Variants in ADAM17 observed in about 807,000 individuals in gnomAD.
ADAM17 encodes ADAM metallopeptidase domain 17.
A neutral mutation model predicts 96.7 loss-of-function variants in ADAM17; 39 were observed. The observed-to-expected ratio is 0.40, with a 90% confidence interval of 0.31 to 0.53. ADAM17 has a LOEUF of 0.53. Ranked by LOEUF, ADAM17 falls within the 20% of genes least tolerant of loss-of-function variation. ADAM17 has a pLI of 0.44. For missense variants in ADAM17, 777 were observed against 1,013.2 expected, an observed-to-expected ratio of 0.77 and a Z score of 3.17; for synonymous variants, 344 against 359.2, an observed-to-expected ratio of 0.96 and a Z score of 0.48.
chr2:9,555,587 A>C lies in ADAM17; in HGVS notation c.19T>G (p.Phe7Val), dbSNP rs765575403. The change falls in exon 1 of 19, where the codon TTC (phenylalanine) becomes GTC (valine). Residue 7 changes from phenylalanine to valine, a missense_variant. By Grantham distance (50) the Phe-to-Val change is conservative (BLOSUM62 -1). Coordinates refer to ENST00000310823, the MANE Select transcript of ADAM17 (RefSeq NM_003183.6). ...ACGAAAGGAACCACGCTGGTCAGGA[A>C]TAGGAGAGACTGCCTCATGTTCCCG... MRQSLL[F>V]LTSVVPFVLA... 6.3e-7 allele frequency: 1 copy of C among 1,592,606 alleles called. No homozygotes were observed. The highest frequency in any genetic ancestry group is 1.1e-5 in the South Asian group (1 of 87,886).
intron 7 of ADAM17, 72 bp downstream of exon 7, chr2:9,523,177 G>T: frequency 1.7e-6 from 2 of 1,193,178 alleles, no homozygotes; most frequent in Non-Finnish European, 2.4e-6. Flanking sequence ...AAGTTTTTAG[G>T]TTTTGAATAC....
intron 1 of ADAM17, among the ~76,000 whole-genome samples, chr2:9,546,688 T>C (rs1366162260): frequency 1.3e-5 from 2 of 151,612 alleles, no homozygotes; most frequent in Non-Finnish European, 2.9e-5. Flanking sequence ...CCGCACTGTC[T>C]ATCTCAGCTC....
chr2:9,497,325 T>G (rs1055342772), intron 13 of ADAM17, 77 bp from the exon 14 acceptor site: 1 of 1,570,558 alleles, frequency 6.4e-7, no homozygotes, highest in Non-Finnish European at 8.6e-7. Flanking sequence ...ATACGCTGTT[T>G]CTCATACAAG....
chr2:9,518,300 T>C, intron 8 of ADAM17, 53 bp from the exon 9 acceptor site: 1 of 1,449,742 alleles, frequency 6.9e-7, no homozygotes. Flanking sequence ...AGATTAACAA[T>C]TACATCAGAC....
chr2:9,552,712 A>G (rs1010650089), intron 1 of ADAM17, among the ~76,000 whole-genome samples: 1 of 152,206 alleles, frequency 6.6e-6, no homozygotes, highest in Admixed American at 6.5e-5. Flanking sequence ...TCAAAGTGAG[A>G]CTTATACACC....
At chr2:9,544,451 G>A (rs1042030909) in intron 1 of ADAM17, among the ~76,000 whole-genome samples, 2 of 152,194 alleles carry the variant, frequency 1.3e-5, no homozygotes, top group African/African-American at 4.8e-5. Flanking sequence ...CTTGAACCCA[G>A]GAGGCAGATG....
chr2:9,541,397 T>C (rs969495930), intron 2 of ADAM17, among the ~76,000 whole-genome samples: 1 of 152,062 alleles, frequency 6.6e-6, no homozygotes, highest in Non-Finnish European at 1.5e-5. Flanking sequence ...ACCTCATCTC[T>C]ACTAAAAATA....
In ADAM17 at chr2:9,490,384, G is replaced by A; in HGVS notation, c.2268C>T (p.His756=). The change falls in exon 19 of 19, where the codon CAC becomes CAT. Residue 756 remains histidine, a synonymous_variant. Coordinates refer to ENST00000310823, the MANE Select transcript of ADAM17 (RefSeq NM_003183.6). ...PSAPAAPKLD[H]QRMDTIQEDP... is the part of the protein sequence containing the mutation. ...CTTCCTGGATGGTGTCCATTCTCTG[G>A]TGGTCCAGTTTTGGAGCTGCTGGCG... is the stretch of plus-strand genomic sequence containing the variant. 5 of 1,614,148 alleles carry A rather than the reference G, an allele frequency of 3.1e-6. No homozygotes were observed. Among genetic ancestry groups the A allele is most frequent in the Non-Finnish European group, 4.2e-6 (5 of 1,180,028 alleles).
intron 1 of ADAM17, among the ~76,000 whole-genome samples, chr2:9,545,432 T>C (rs1298683968): frequency 6.6e-6 from 1 of 152,058 alleles, no homozygotes; most frequent in African/African-American, 2.4e-5. Context: ...TAGCTGGGCA[T>C]GGCAGCAGAC....
chr2:9,501,295 C>T (rs1316648378), intron 13 of ADAM17, among the ~76,000 whole-genome samples: 2 of 152,124 alleles, frequency 1.3e-5, no homozygotes, highest in African/African-American at 4.8e-5. Flanking sequence ...ACTCATCATG[C>T]TAATAGGACA....
At chr2:9,522,585 AT>A (rs1200751968) in intron 7 of ADAM17, 1 of 428,752 alleles carries the variant, frequency 2.3e-6, no homozygotes, top group Non-Finnish European at 4.1e-6. Flanking sequence ...TCTATACTAT[AT>A]AACTTATAAA....
At chr2:9,545,150 AT>A (rs1665359514) in intron 1 of ADAM17, among the ~76,000 whole-genome samples, 1 of 152,214 alleles carries the variant, frequency 6.6e-6, no homozygotes, top group South Asian at 2.1e-4. Flanking sequence ...TCAACTGGGA[AT>A]TTGTTAAAAA....
At chr2:9,513,702 T>C (rs1386499890) in intron 10 of ADAM17, among the ~76,000 whole-genome samples, 1 of 151,988 alleles carries the variant, frequency 6.6e-6, no homozygotes, top group Non-Finnish European at 1.5e-5. Flanking sequence ...TTTTTTCCCC[T>C]AAAACAAAGT....
In ADAM17 at chr2:9,529,169, G is replaced by T. The variant is rs1014200956; in HGVS notation, c.451-1215C>A. The stretch of plus-strand genomic sequence containing the variant: ...TCTAAGTGAAAGAAGCCACACACAG[G>T]CTGGGCGTGGTGGCTCATGTCTTTA... On this transcript the variant is annotated intron_variant, in intron 4 of 18. Transcript: ENST00000310823. Among the ~76,000 whole-genome samples, 3 of 152,028 alleles carry T rather than the reference G, an allele frequency of 2.0e-5. No individual in the cohort carries two copies. In the East Asian group the frequency reaches 5.8e-4, roughly 29 times the overall value.
chr2:9,516,242 TTTTA>T (rs905995297), intron 10 of ADAM17, among the ~76,000 whole-genome samples: 3 of 152,028 alleles, frequency 2.0e-5, no homozygotes, highest in African/African-American at 4.8e-5. Flanking sequence ...ATATGGAAAT[TTTTA>T]TTTATTTATT....
chr2:9,515,194 T>C (rs1663997436), intron 10 of ADAM17, among the ~76,000 whole-genome samples: 1 of 152,216 alleles, frequency 6.6e-6, no homozygotes, highest in Non-Finnish European at 1.5e-5. Flanking sequence ...TAGCAATCAC[T>C]GATCATTTTA....
chr2:9,535,518 T>C (rs1457681875), intron 4 of ADAM17, among the ~76,000 whole-genome samples: 1 of 152,184 alleles, frequency 6.6e-6, no homozygotes, highest in African/African-American at 2.4e-5. Context: ...ATACTTCACT[T>C]TTCATTTCTG....
Position 9,526,145 on chromosome 2 carries a change from C to T in ADAM17, c.719G>A (p.Gly240Asp). Residue 240 changes from glycine (G) to aspartate (D), a missense_variant, in exon 6 of 19, where the codon GGC becomes GAC. Physicochemically the swap from Gly to Asp is moderately conservative, Grantham distance 94. Around this residue, in one of 3 missense-constraint regions of ADAM17, gnomAD observed 446 missense variants for 664.7 expected, o/e 0.67. Transcript: ENST00000310823. ...TGTAGTTGTACTCTCTTCCCCTCTGCCCATGTATCTGTAGAAGCGATGATC... is the reference window on the plus strand; with the variant it reads ...TGTAGTTGTACTCTCTTCCCCTCTGTCCATGTATCTGTAGAAGCGATGATC... ...VADHRFYRYMGRGEESTTTNY... is the reference protein window; with the variant it reads ...VADHRFYRYMDRGEESTTTNY... 1 of 1,613,564 alleles carries T rather than the reference C, an allele frequency of 6.2e-7. No individual in the cohort carries two copies. The highest frequency in any genetic ancestry group is 8.5e-7 in the Non-Finnish European group (1 of 1,179,732).
intron 11 of ADAM17, among the ~76,000 whole-genome samples, chr2:9,508,053 G>A (rs748483549): frequency 1.5e-4 from 23 of 152,194 alleles, no homozygotes; most frequent in Admixed American, 6.5e-4. Flanking sequence ...CCCAGAACTG[G>A]CAGCAGGAAG....
Sources: allele counts gnomAD v4.1 joint callset (sites outside exome capture counted in the v4.1 genomes callset), GRCh38; gene constraint gnomAD v4.1.1; regional missense constraint gnomAD v4.1.1; transcripts MANE v1.5; gene names NCBI Gene and HGNC (gene_info 2026-07-23, HGNC 2026-07-21).